The following TG variants were observed in gnomAD, a reference collection of about 807,000 sequenced individuals.
TG encodes thyroid hormones.
A neutral mutation model predicts 324.7 loss-of-function variants in TG; 270 were observed. That is an observed-to-expected ratio of 0.83 (90% CI 0.75 to 0.92). TG has a LOEUF of 0.92. Among genes scored for constraint, TG ranks in the 40% least tolerant of loss-of-function variants. The probability of loss-of-function intolerance (pLI) is 0.00; values close to 1 mark genes in which losing one functional copy is unlikely to be tolerated. For synonymous variants in TG, 1,401 were observed against 1,327.0 expected (o/e 1.06, Z -1.21); for missense variants, 3,591 against 3,456.4 (o/e 1.04, Z -0.98).
At chr8:133,072,164 G>A (rs1216583527) in intron 41 of TG, among the ~76,000 whole-genome samples, 2 of 152,184 alleles carry the variant, frequency 1.3e-5, no homozygotes, top group African/African-American at 4.8e-5. Context: ...AGCCCTGGTT[G>A]CAGTCTGCCT....
chr8:132,883,068 C>A (rs767432336), intron 8 of TG, 69 bp downstream of exon 8: 139 of 1,524,356 alleles, frequency 9.1e-5, no homozygotes, highest in Non-Finnish European at 1.2e-4. Context: ...TCCAGACCAA[C>A]CTCTCTGGAC....
Position 132,913,165 on chromosome 8 carries a change from A to G in TG, c.4278A>G (p.Gln1426=). 2 of 1,614,096 alleles carry G rather than the reference A, an allele frequency of 1.2e-6. No homozygotes were observed. The highest frequency in any genetic ancestry group is 1.7e-6 in the Non-Finnish European group (2 of 1,180,004). Residue 1426 remains glutamine (Q), a synonymous_variant, in exon 20 of 48, where the codon CAA becomes CAG. Transcript: ENST00000220616. Reference sequence around the variant, plus strand: ...CAGCGGAAACCATCCGCTTCCTCCAAGGGGACCACTTTGGCACCTCTCCCA... The same window carrying G: ...CAGCGGAAACCATCCGCTTCCTCCAGGGGGACCACTTTGGCACCTCTCCCA... ...TFPAETIRFL[Q]GDHFGTSPRT... is the part of the protein sequence containing the mutation.
At chr8:133,096,979 C>T (rs1588087030) in intron 43 of TG, among the ~76,000 whole-genome samples, 1 of 152,220 alleles carries the variant, frequency 6.6e-6, no homozygotes, top group South Asian at 2.1e-4. Flanking sequence ...ATGTGGCTAA[C>T]CCTGGAAGAG....
At position 132,966,429 on chromosome 8, in the gene TG, T is replaced by C. The variant is rs992391279; in HGVS notation, c.5549-131T>C. ...TTCACACAGCATAAAAATGTCTCTG[T>C]CTCTATCTCTGACACTTTCTCTCTC... is the stretch of plus-strand genomic sequence containing the variant. On this transcript the variant is annotated intron_variant, in intron 29 of 47. Transcript: ENST00000220616. 3.3e-6 allele frequency: 4 copies of C among 1,205,580 alleles called. No homozygotes were observed. In the Admixed American group the frequency reaches 7.6e-5, roughly 23 times the overall value. 74.7% of individuals were successfully genotyped at this position (1,205,580 alleles called of 1,614,324 possible). A position where few individuals can be genotyped will look rare whatever the true frequency, so the allele number is the denominator to read the frequency against.
At position 132,967,880 on chromosome 8, in the gene TG, G is replaced by T. The variant is rs753111786; in HGVS notation, c.5773G>T (p.Ala1925Ser). ...LYFTCTLYPEAQVCDDIMESN... is the reference protein window; with the variant it reads ...LYFTCTLYPESQVCDDIMESN... ...CTTCACCTGCACCCTCTACCCAGAG[G>T]CACAGGTGTGTGATGACATCATGGA... Residue 1925 changes from alanine to serine, a missense_variant, in exon 31 of 48, where the codon GCA (alanine) becomes TCA (serine). Coordinates refer to ENST00000220616, the MANE Select transcript of TG (RefSeq NM_003235.5). 6.2e-7 allele frequency: 1 copy of T among 1,613,996 alleles called. No individual in the cohort carries two copies. The highest frequency in any genetic ancestry group is 8.5e-7 in the Non-Finnish European group (1 of 1,179,946).
chr8:132,943,633 A>T (rs987646430), intron 26 of TG, among the ~76,000 whole-genome samples: 2 of 152,068 alleles, frequency 1.3e-5, no homozygotes, highest in Non-Finnish European at 2.9e-5. Context: ...CAACATGTGC[A>T]TGGCACCACA....
intron 35 of TG, among the ~76,000 whole-genome samples, chr8:133,011,621 C>T (rs1261720603): frequency 2.0e-5 from 3 of 152,188 alleles, no homozygotes; most frequent in African/African-American, 7.2e-5. Context: ...CTCTCCCATT[C>T]TACTATGAGC....
chr8:132,918,842 C>T (rs1457473476), intron 20 of TG, among the ~76,000 whole-genome samples: 3 of 152,200 alleles, frequency 2.0e-5, no homozygotes, highest in African/African-American at 7.2e-5. Flanking sequence ...TTCCCACTGA[C>T]CTTTGCTGAA....
intron 37 of TG, 93 bp from the exon 38 acceptor site, chr8:133,017,685 C>G (rs141405837): frequency 8.0e-7 from 1 of 1,255,904 alleles, no homozygotes; most frequent in Non-Finnish European, 1.2e-6. Flanking sequence ...CGTGATTTTT[C>G]TTTTGTTGAA....
Position 132,919,431 on chromosome 8 carries a change from T to C in TG, c.4434T>C (p.Val1478=), listed in dbSNP as rs1029135099. ...SQDEECIPCP[V]GFYQEQAGSL... ...ATGAGGAATGCATTCCTTGTCCTGT[T>C]GGATTCTACCAAGAACAGGCAGGGA... is the stretch of plus-strand genomic sequence containing the variant. The change falls in exon 21 of 48, where the codon GTT becomes GTC. Residue 1478 remains valine (V), a synonymous_variant. Transcript: ENST00000220616. 6.2e-7 allele frequency: 1 copy of C among 1,614,060 alleles called. No individual in the cohort carries two copies. The highest frequency in any genetic ancestry group is 8.5e-7 in the Non-Finnish European group (1 of 1,180,040).
In TG at chr8:133,124,001, C is replaced by T. The variant is rs765893947; in HGVS notation, c.7862+7285C>T. Among the ~76,000 whole-genome samples the T allele has an allele frequency of 3.9e-5, 6 of 152,358 alleles. No individual in the cohort carries two copies. In the South Asian group the frequency reaches 6.2e-4, roughly 16 times the overall value. On this transcript the variant is annotated intron_variant, in intron 45 of 47. Transcript: ENST00000220616. ...TAGGTGAGCATTACTAATGCTGCTT[C>T]GTGTATTATGCTGGAAGAATCCAAA...
At chr8:132,893,201 G>A (rs1313943351) in intron 10 of TG, among the ~76,000 whole-genome samples, 2 of 130,320 alleles carry the variant, frequency 1.5e-5, no homozygotes, top group Non-Finnish European at 3.3e-5. Context: ...AGTGTGTGTG[G>A]TGTGTATGTG....
chr8:133,072,123 C>G (rs1844149162), intron 41 of TG, among the ~76,000 whole-genome samples: 1 of 152,164 alleles, frequency 6.6e-6, no homozygotes, highest in African/African-American at 2.4e-5. Flanking sequence ...TCACCAACCC[C>G]CTCTACACAC....
chr8:133,009,085 G>C (rs1834269666), intron 35 of TG, among the ~76,000 whole-genome samples: 1 of 152,202 alleles, frequency 6.6e-6, no homozygotes, highest in African/African-American at 2.4e-5. Flanking sequence ...AGATGAACTG[G>C]TTTTCACTTG....
intron 43 of TG, among the ~76,000 whole-genome samples, chr8:133,108,379 T>C (rs776535991): frequency 1.3e-4 from 20 of 152,122 alleles, no homozygotes; most frequent in Non-Finnish European, 2.8e-4. Context: ...CTCAGGCCTC[T>C]CTCTCTAAGA....
chr8:132,887,673 A>T, intron 9 of TG, 125 bp downstream of exon 9: 1 of 1,291,438 alleles, frequency 7.7e-7, no homozygotes, highest in Admixed American at 1.8e-5. Flanking sequence ...GACAAAATTG[A>T]CTGCTTATAT....
intron 21 of TG, among the ~76,000 whole-genome samples, chr8:132,920,106 G>T (rs890856864): frequency 4.6e-5 from 7 of 152,176 alleles, no homozygotes; most frequent in African/African-American, 7.2e-5. Flanking sequence ...TCCACCTATA[G>T]TCATTACTGC....
At chr8:132,879,582 C>A (rs530592698) in intron 5 of TG, among the ~76,000 whole-genome samples, 1 of 152,144 alleles carries the variant, frequency 6.6e-6, no homozygotes, top group Non-Finnish European at 1.5e-5. Flanking sequence ...ACAGAATTAG[C>A]AAGAAGGGAT....
At chr8:132,968,934 C>G (rs1228435345) in intron 31 of TG, among the ~76,000 whole-genome samples, 3 of 152,162 alleles carry the variant, frequency 2.0e-5, no homozygotes, top group Non-Finnish European at 4.4e-5. Flanking sequence ...CTGATGCACC[C>G]AAGAGATCCT....
Sources: gnomAD v4.1 joint callset for allele counts (sites outside exome capture counted in the v4.1 genomes callset) on GRCh38, gnomAD v4.1.1 for gene constraint, MANE v1.5 for transcripts, NCBI Gene and HGNC (gene_info 2026-07-23, HGNC 2026-07-21) for gene names.